The following TMEM63C variants were observed in gnomAD, a reference collection of about 807,000 sequenced individuals.
TMEM63C encodes the protein transmembrane protein 63C.
A neutral mutation model predicts 99.2 loss-of-function variants in TMEM63C; 32 were observed. The ratio of observed to expected loss-of-function variants is 0.32; its 90% CI spans 0.24 to 0.43. The LOEUF (loss-of-function observed/expected upper bound fraction) is 0.43, where lower values mean the gene tolerates loss of function less well. Ranked by LOEUF, TMEM63C falls within the 20% of genes least tolerant of loss-of-function variation. The pLI is 1.00. For synonymous variants in TMEM63C, 376 were observed against 397.9 expected (o/e 0.94, Z 0.66); for missense variants, 826 against 1,053.0 (o/e 0.78, Z 2.98).
At position 77,249,436 on chromosome 14, in the gene TMEM63C, G is replaced by A; in HGVS notation, c.2016G>A (p.Leu672=). 2 of 1,614,012 alleles carry A rather than the reference G, an allele frequency of 1.2e-6. No individual in the cohort carries two copies. The highest frequency in any genetic ancestry group is 2.2e-5 in the South Asian group (2 of 91,080). The change falls in exon 21 of 24, where the codon CTG becomes CTA. Residue 672 remains leucine (L), a synonymous_variant. Transcript: ENST00000298351. ...CACTCTTGGGTCTGTTCTGGATGCT[G>A]TTCTTCTCCATCCTGCGGTTGGGTA... The part of the protein sequence containing the change: ...FAPLLGLFWM[L]FFSILRLGSL...
At chr14:77,185,987 C>T (rs1233374876) in intron 1 of TMEM63C, among the ~76,000 whole-genome samples, 3 of 151,340 alleles carry the variant, frequency 2.0e-5, no homozygotes, top group African/African-American at 4.9e-5. Context: ...TCCAGGGACC[C>T]CTGGGATGGC....
At chr14:77,210,240 C>CT (rs1326602017) in intron 1 of TMEM63C, among the ~76,000 whole-genome samples, 2 of 152,110 alleles carry the variant, frequency 1.3e-5, no homozygotes, top group Non-Finnish European at 2.9e-5. Context: ...TCTAGATGTA[C>CT]TAAACACTGT....
chr14:77,184,061 A>T (rs8017343), intron 1 of TMEM63C, among the ~76,000 whole-genome samples: 20,998 of 152,180 alleles, frequency 0.14, 1,730 homozygotes, highest in African/African-American at 0.23. Context: ...CACCTTCTCC[A>T]GATGGGTGGG....
At chr14:77,188,936 T>A (rs140640431) in intron 1 of TMEM63C, among the ~76,000 whole-genome samples, 155 of 152,286 alleles carry the variant, frequency 1.0e-3, no homozygotes, top group African/African-American at 3.5e-3. Flanking sequence ...GCAGTTAAAC[T>A]ATGTGTAACT....
intron 1 of TMEM63C, among the ~76,000 whole-genome samples, chr14:77,208,924 G>A (rs1888450261): frequency 6.6e-6 from 1 of 152,166 alleles, no homozygotes; most frequent in Non-Finnish European, 1.5e-5. Context: ...CAGGGGCAGC[G>A]GGATCATTGC....
intron 23 of TMEM63C, among the ~76,000 whole-genome samples, chr14:77,253,906 C>G (rs989708992): frequency 2.0e-5 from 3 of 152,090 alleles, no homozygotes; most frequent in Admixed American, 6.5e-5. Flanking sequence ...AGTGGCTCGG[C>G]CTGAAGGGGA....
At chr14:77,187,441 C>G (rs185794120) in intron 1 of TMEM63C, among the ~76,000 whole-genome samples, 4 of 152,354 alleles carry the variant, frequency 2.6e-5, no homozygotes, top group African/African-American at 9.6e-5. Flanking sequence ...ACCCCGCCCC[C>G]ACCAGGTTCC....
At chr14:77,239,852 C>G (rs2140124961) in intron 12 of TMEM63C, 126 bp downstream of exon 12, 2 of 1,315,600 alleles carry the variant, frequency 1.5e-6, no homozygotes, top group Middle Eastern at 2.6e-4. Flanking sequence ...GCTCCCCACC[C>G]AGCTCCTTCC....
At chr14:77,242,760 G>A (rs564052878) in intron 14 of TMEM63C, 143 bp from the exon 15 acceptor site, 2 of 987,576 alleles carry the variant, frequency 2.0e-6, no homozygotes, top group Admixed American at 4.4e-5. Context: ...GGACGGTCCA[G>A]GGTCCTGTTG....
intron 5 of TMEM63C, 140 bp from the exon 6 acceptor site, chr14:77,225,284 C>T (rs1402714612): frequency 1.5e-5 from 9 of 581,212 alleles, no homozygotes; most frequent in Non-Finnish European, 2.6e-5. Flanking sequence ...CCCAGCTGAG[C>T]CTTCAGACTC....
intron 21 of TMEM63C, among the ~76,000 whole-genome samples, chr14:77,250,217 C>T (rs1033552051): frequency 6.6e-6 from 1 of 152,184 alleles, no homozygotes; most frequent in African/African-American, 2.4e-5. Context: ...TTTCCTCACT[C>T]TTTAGCTACA....
chr14:77,236,229 T>G (rs1226213563), intron 8 of TMEM63C, among the ~76,000 whole-genome samples: 1 of 5,396 alleles, frequency 1.9e-4, no homozygotes, highest in African/African-American at 8.7e-4. Context: ...CTGTGATGGG[T>G]GGGGGTATGG....
chr14:77,256,714 C>A lies in TMEM63C; in HGVS notation c.2409C>A (p.Asn803Lys), dbSNP rs199615151. Residue 803 changes from asparagine (N) to lysine (K), a missense_variant, in exon 24 of 24, where the codon AAC becomes AAA. Physicochemically the swap from Asn to Lys is moderately conservative, Grantham distance 94. Coordinates refer to ENST00000298351, the MANE Select transcript of TMEM63C (RefSeq NM_020431.4). ...FQEGLELEGQ[N>K]QYH is the part of the protein sequence containing the mutation. ...AAGGGCTGGAACTGGAGGGCCAGAA[C>A]CAGTACCACTGACCGGGACCTGAGG... The A allele has an allele frequency of 6.2e-7, 1 of 1,613,838 alleles. No individual in the cohort carries two copies. Among genetic ancestry groups the A allele is most frequent in the Non-Finnish European group, 8.5e-7 (1 of 1,179,790 alleles).
At chr14:77,203,445 A>T (rs886228354) in intron 1 of TMEM63C, among the ~76,000 whole-genome samples, 1 of 151,652 alleles carries the variant, frequency 6.6e-6, no homozygotes, top group African/African-American at 2.4e-5. Flanking sequence ...CTCGCCACCT[A>T]GTTCCCTACC....
In TMEM63C at chr14:77,256,961, A is replaced by G. The variant is rs1221189796; in HGVS notation, c.*235A>G. 1.8e-6 allele frequency: 1 copy of G among 543,206 alleles called. No individual in the cohort carries two copies. Among genetic ancestry groups the G allele is most frequent in the Non-Finnish European group, 3.3e-6 (1 of 304,074 alleles). 33.6% of individuals were successfully genotyped at this position (543,206 alleles called of 1,614,324 possible). ...AGCCTGGGAAGGGATGGGAGGATAC[A>G]GGCAAGCACATGTCTTGAGAGAGGT... On this transcript the variant is annotated 3_prime_UTR_variant, in exon 24 of 24. Transcript: ENST00000298351.
At chr14:77,237,758 G>A (rs946572933) in intron 9 of TMEM63C, among the ~76,000 whole-genome samples, 1 of 47,790 alleles carries the variant, frequency 2.1e-5, no homozygotes, top group Non-Finnish European at 7.4e-5. Context: ...ATGACTGACG[G>A]GGGGCCACGG....
intron 13 of TMEM63C, 77 bp downstream of exon 13, chr14:77,240,685 A>C: frequency 6.5e-7 from 1 of 1,547,554 alleles, no homozygotes; most frequent in Non-Finnish European, 8.7e-7. Flanking sequence ...CTCCACCTCC[A>C]GTTTCCCCTT....
chr14:77,219,057 G>T, intron 3 of TMEM63C, 94 bp downstream of exon 3: 1 of 1,319,994 alleles, frequency 7.6e-7, no homozygotes, highest in Non-Finnish European at 1.0e-6. Flanking sequence ...TTGTCCAAAT[G>T]GACAACAACA....
chr14:77,242,336 CCT>C lies in TMEM63C; in HGVS notation c.1065-6_1065-5del. 2 of 1,608,132 alleles carry C rather than the reference CCT, an allele frequency of 1.2e-6. No individual in the cohort carries two copies. Among genetic ancestry groups the C allele is most frequent in the African/African-American group, 2.7e-5 (2 of 74,730 alleles). On this transcript the variant is annotated splice_polypyrimidine_tract_variant and intron_variant, in intron 13 of 23. Coordinates refer to ENST00000298351, the MANE Select transcript of TMEM63C (RefSeq NM_020431.4). ...AGACCCACATTTCTTCCTCTTCTCC[CCT>C]CTCTGCAGTGTCCGTAAGGATTACA...
Sources: gnomAD v4.1 joint callset for allele counts (sites outside exome capture counted in the v4.1 genomes callset) on GRCh38, gnomAD v4.1.1 for gene constraint, MANE v1.5 for transcripts, NCBI Gene and HGNC (gene_info 2026-07-23, HGNC 2026-07-21) for gene names.